FARP1: variants seen among roughly 807,000 people sequenced by gnomAD.
FARP1 encodes the protein FERM, ARH/RhoGEF and pleckstrin domain protein 1.
FARP1 carries 52 observed loss-of-function variants against 128.8 expected under a neutral mutation model. The observed-to-expected ratio is 0.40, with a 90% confidence interval of 0.32 to 0.51. The LOEUF (loss-of-function observed/expected upper bound fraction) is 0.51. FARP1 is among the 20% of genes least tolerant of loss of function. FARP1 has a pLI of 0.45. For synonymous variants in FARP1, 580 were observed against 551.8 expected (o/e 1.05, Z -0.72); for missense variants, 1,333 against 1,367.9 (o/e 0.97, Z 0.40).
chr13:98,390,184 C>T (rs1354216181), intron 10 of FARP1, 64 bp downstream of exon 10: 23 of 1,529,428 alleles, frequency 1.5e-5, no homozygotes, highest in South Asian at 3.6e-5. Context: ...CTCTCACAGC[C>T]GCTGTGACAC....
chr13:98,185,012 T>G (rs898450149), intron 1 of FARP1, among the ~76,000 whole-genome samples: 4 of 152,176 alleles, frequency 2.6e-5, no homozygotes, highest in Non-Finnish European at 4.4e-5. Flanking sequence ...CATGACATCA[T>G]TGCACACAGA....
intron 5 of FARP1, among the ~76,000 whole-genome samples, chr13:98,374,983 A>G (rs1190948816): frequency 2.0e-5 from 3 of 152,242 alleles, no homozygotes; most frequent in African/African-American, 7.2e-5. Flanking sequence ...TAGTCTATTC[A>G]TAAGGGATCT....
chr13:98,303,143 C>A (rs868559227), intron 2 of FARP1, among the ~76,000 whole-genome samples: 1 of 152,144 alleles, frequency 6.6e-6, no homozygotes, highest in Admixed American at 6.5e-5. Flanking sequence ...CACATGATGA[C>A]GTGTTGTTTG....
At chr13:98,322,641 G>A (rs1039364787) in intron 2 of FARP1, among the ~76,000 whole-genome samples, 2 of 152,200 alleles carry the variant, frequency 1.3e-5, no homozygotes, top group Non-Finnish European at 2.9e-5. Context: ...GGAAACAGAA[G>A]GAAAACTCTT....
intron 1 of FARP1, among the ~76,000 whole-genome samples, chr13:98,178,454 C>T (rs1594236585): frequency 6.6e-6 from 1 of 152,182 alleles, no homozygotes; most frequent in East Asian, 1.9e-4. Flanking sequence ...CCTTGGCCTC[C>T]TAAAATGTTG....
At chr13:98,203,124 C>T (rs1880054209) in intron 1 of FARP1, among the ~76,000 whole-genome samples, 1 of 152,224 alleles carries the variant, frequency 6.6e-6, no homozygotes, top group South Asian at 2.1e-4. Context: ...GCTTTTGTCC[C>T]AGGCCAGGCT....
At chr13:98,182,503 T>A (rs1878604497) in intron 1 of FARP1, among the ~76,000 whole-genome samples, 1 of 152,228 alleles carries the variant, frequency 6.6e-6, no homozygotes, top group South Asian at 2.1e-4. Context: ...ATTTTTGTAT[T>A]TTTTGTAGAG....
chr13:98,288,144 C>A (rs4772066), intron 2 of FARP1, among the ~76,000 whole-genome samples: 3 of 151,988 alleles, frequency 2.0e-5, no homozygotes, highest in Non-Finnish European at 2.9e-5. Flanking sequence ...TGAACAAAAC[C>A]CATGCAGTCC....
At chr13:98,385,627 C>A in intron 7 of FARP1, 40 bp from the exon 8 acceptor site, 2 of 1,610,322 alleles carry the variant, frequency 1.2e-6, no homozygotes, top group South Asian at 2.2e-5. Context: ...ACAGGGAATT[C>A]AAATCTCCTG....
chr13:98,217,170 T>C (rs1282544552), intron 2 of FARP1, among the ~76,000 whole-genome samples: 1 of 152,248 alleles, frequency 6.6e-6, no homozygotes, highest in African/African-American at 2.4e-5. Context: ...TCAGTTTATG[T>C]ATTTTCATTA....
intron 2 of FARP1, among the ~76,000 whole-genome samples, chr13:98,283,973 T>G (rs1885055245): frequency 6.6e-6 from 1 of 152,236 alleles, no homozygotes; most frequent in Non-Finnish European, 1.5e-5. Flanking sequence ...GATTTCAGTT[T>G]AAATGAAATA....
intron 4 of FARP1, among the ~76,000 whole-genome samples, chr13:98,367,037 C>CATAA (rs1374896592): frequency 6.6e-6 from 1 of 152,138 alleles, no homozygotes; most frequent in Non-Finnish European, 1.5e-5. Context: ...TTTCATAGAA[C>CATAA]ATAAATGTAT....
At chr13:98,245,451 GAAGT>G in intron 2 of FARP1, 1 of 527,576 alleles carries the variant, frequency 1.9e-6, no homozygotes, top group Non-Finnish European at 2.4e-6. Context: ...TAAGTAATAC[GAAGT>G]GAGTACTTTA....
At chr13:98,360,570 G>C (rs1888831591) in intron 3 of FARP1, among the ~76,000 whole-genome samples, 1 of 152,224 alleles carries the variant, frequency 6.6e-6, no homozygotes, top group Non-Finnish European at 1.5e-5. Flanking sequence ...AGAACCCACA[G>C]CTGCTGGCAC....
At chr13:98,162,671 T>C (rs150581144) in intron 1 of FARP1, among the ~76,000 whole-genome samples, 4 of 152,310 alleles carry the variant, frequency 2.6e-5, no homozygotes, top group Middle Eastern at 3.4e-3. Flanking sequence ...TTACCCTTCA[T>C]CTACCTTTGA....
intron 4 of FARP1, among the ~76,000 whole-genome samples, chr13:98,366,948 A>T (rs1406124534): frequency 1.3e-5 from 2 of 152,186 alleles, no homozygotes; most frequent in African/African-American, 4.8e-5. Context: ...TTTGTATATG[A>T]TAGTGAAAAG....
At chr13:98,415,897 C>T (rs1891356937) in intron 16 of FARP1, among the ~76,000 whole-genome samples, 1 of 152,256 alleles carries the variant, frequency 6.6e-6, no homozygotes, top group African/African-American at 2.4e-5. Context: ...CTGTCTTCAG[C>T]TGTAGGTGTG....
At chr13:98,389,417 G>C (rs1331613738) in intron 9 of FARP1, 2 of 152,884 alleles carry the variant, frequency 1.3e-5, no homozygotes, top group Non-Finnish European at 2.9e-5. Context: ...AGAATCAAAG[G>C]GCATGATTTT....
intron 2 of FARP1, among the ~76,000 whole-genome samples, chr13:98,277,009 A>C (rs1884685158): frequency 6.6e-6 from 1 of 152,194 alleles, no homozygotes; most frequent in Admixed American, 6.5e-5. Flanking sequence ...AAATGTCAAC[A>C]TTTCAAACAC....
Sources: gnomAD v4.1 joint callset for allele counts (sites outside exome capture counted in the v4.1 genomes callset) on GRCh38, gnomAD v4.1.1 for gene constraint, MANE v1.5 for transcripts, NCBI Gene and HGNC (gene_info 2026-07-23, HGNC 2026-07-21) for gene names.